Variants in TADA1 observed in about 807,000 individuals in gnomAD.
TADA1 encodes the protein transcriptional adaptor 1, also known as transcriptional adapter 1.
A neutral mutation model predicts 39.3 loss-of-function variants in TADA1; 23 were observed. The ratio of observed to expected loss-of-function variants is 0.58; its 90% CI spans 0.42 to 0.83. The LOEUF (loss-of-function observed/expected upper bound fraction) is 0.83, where lower values mean the gene tolerates loss of function less well. Ranked by LOEUF, TADA1 falls within the 40% of genes least tolerant of loss-of-function variation. TADA1 has a pLI of 0.00. For missense variants in TADA1, 352 were observed against 408.1 expected (o/e 0.86, Z 1.18); for synonymous variants, 137 against 151.8 (o/e 0.90, Z 0.72).
intron 1 of TADA1, among the ~76,000 whole-genome samples, chr1:166,873,777 C>T (rs79088457): frequency 1.6e-3 from 246 of 152,324 alleles, no homozygotes; most frequent in Non-Finnish European, 2.9e-3. Flanking sequence ...CCAAATTTAG[C>T]TTCAGCATCA....
intron 1 of TADA1, among the ~76,000 whole-genome samples, chr1:166,874,824 T>G (rs1191463767): frequency 6.6e-6 from 1 of 152,224 alleles, no homozygotes; most frequent in African/African-American, 2.4e-5. Flanking sequence ...AAATAAATGT[T>G]CACCAAAAAT....
At chr1:166,867,201 TCTCTTGA>T (rs368822560) in intron 3 of TADA1, among the ~76,000 whole-genome samples, 657 of 152,330 alleles carry the variant, frequency 4.3e-3, no homozygotes, top group African/African-American at 0.015. Flanking sequence ...TGAACCTAAG[TCTCTTGA>T]CTCTTATCAA....
At chr1:166,869,925 T>A in intron 1 of TADA1, 71 bp from the exon 2 acceptor site, 2 of 1,354,462 alleles carry the variant, frequency 1.5e-6, no homozygotes, top group Non-Finnish European at 2.1e-6. Context: ...TGTTTTGTTT[T>A]TTTAAAGAGA....
At chr1:166,865,624 T>C (rs1330142600) in intron 3 of TADA1, among the ~76,000 whole-genome samples, 5 of 151,708 alleles carry the variant, frequency 3.3e-5, no homozygotes, top group Non-Finnish European at 7.4e-5. Context: ...CCATCCTGGC[T>C]AACATGGTGA....
At position 166,862,712 on chromosome 1, in the gene TADA1, AAGG is replaced by A. The variant is rs1358992321; in HGVS notation, c.331-303_331-301del. On this transcript the variant is annotated intron_variant, in intron 4 of 7. Coordinates refer to ENST00000367874, the MANE Select transcript of TADA1 (RefSeq NM_053053.4). ...ACTGTGTTAAAAATAACTGAAAGAG[AAGG>A]AGAAGTATTGAACTATATTCAAACA... is the stretch of plus-strand genomic sequence containing the variant. 9.9e-6 allele frequency: 4 copies of A among 404,550 alleles called. No individual in the cohort carries two copies. In the East Asian group the frequency reaches 2.0e-4, roughly 21 times the overall value. The allele number at this position is 404,550 out of a possible 1,614,324, so 25.1% of individuals were successfully genotyped here. A position where few individuals can be genotyped will look rare whatever the true frequency, so the allele number is the denominator to read the frequency against.
In TADA1 at chr1:166,873,391, C is replaced by G. The variant is rs59638310; in HGVS notation, c.74+2769G>C. ...TACAAAGTGAGTTGCCTAGCAAAGC[C>G]CATGTCTTCCTGGAAGCAGCTTGGG... On this transcript the variant is annotated intron_variant, in intron 1 of 7. Coordinates refer to ENST00000367874, the MANE Select transcript of TADA1 (RefSeq NM_053053.4). 6.7e-3 allele frequency among the ~76,000 whole-genome samples: 1,021 copies of G among 152,198 alleles called. 10 individuals carry two copies. The highest frequency in any genetic ancestry group is 0.024 in the African/African-American group (980 of 41,512).
chr1:166,869,276 TAA>T (rs200445746), intron 3 of TADA1, 167 bp downstream of exon 3: 1,378 of 403,758 alleles, frequency 3.4e-3, no homozygotes, highest in South Asian at 5.0e-3. Context: ...GTTTCTGCTT[TAA>T]AAAAAAAAAA....
chr1:166,863,635 A>G (rs1026958595), intron 4 of TADA1, among the ~76,000 whole-genome samples, 189 bp downstream of exon 4: 2 of 152,266 alleles, frequency 1.3e-5, no homozygotes, highest in African/African-American at 4.8e-5. Context: ...TTTAAGCAGT[A>G]ACAAACAAGA....
In TADA1 at chr1:166,857,607, C is replaced by A. The variant is rs772749203; in HGVS notation, c.968G>T (p.Arg323Leu). Residue 323 changes from arginine (R) to leucine (L), a missense_variant, in exon 8 of 8, where the codon CGC becomes CTC. By Grantham distance (102) the Arg-to-Leu change is moderately radical. Coordinates refer to ENST00000367874, the MANE Select transcript of TADA1 (RefSeq NM_053053.4). ...HEELQQDKVHRQRLAAKEGLL... is the reference protein window; with the variant it reads ...HEELQQDKVHLQRLAAKEGLL... ...CCCCTCCTTGGCTGCCAAGCGCTGG[C>A]GGTGAACTTTGTCTTGCTGCAGCTC... The A allele has an allele frequency of 6.2e-7, 1 of 1,614,166 alleles. No individual in the cohort carries two copies. The highest frequency in any genetic ancestry group is 1.1e-5 in the South Asian group (1 of 91,078).
chr1:166,869,890 T>C (rs370676618), intron 1 of TADA1, 36 bp from the exon 2 acceptor site: 1 of 1,560,218 alleles, frequency 6.4e-7, no homozygotes, highest in African/African-American at 1.4e-5. Context: ...AACCACAGAT[T>C]TGGCTGCTTC....
chr1:166,868,440 C>T (rs962388234), intron 3 of TADA1, among the ~76,000 whole-genome samples: 34 of 152,324 alleles, frequency 2.2e-4, no homozygotes, highest in African/African-American at 6.5e-4. Flanking sequence ...CTCCCCACTA[C>T]GGACACCTTT....
intron 3 of TADA1, among the ~76,000 whole-genome samples, chr1:166,865,388 T>C (rs1000725813): frequency 6.6e-6 from 1 of 151,762 alleles, no homozygotes; most frequent in Non-Finnish European, 1.5e-5. Context: ...CCTTTGGGAA[T>C]AGGTCTAGGG....
intron 4 of TADA1, chr1:166,863,084 T>C (rs1364934197): frequency 6.6e-6 from 1 of 152,520 alleles, no homozygotes; most frequent in African/African-American, 2.4e-5. Context: ...AAAGATTTTG[T>C]AGTGAAGATG....
In TADA1 at chr1:166,860,320, T is replaced by C; in HGVS notation, c.558A>G (p.Ile186Met). 1 of 1,609,918 alleles carries C rather than the reference T, an allele frequency of 6.2e-7. No homozygotes were observed. Among genetic ancestry groups the C allele is most frequent in the Non-Finnish European group, 8.5e-7 (1 of 1,178,668 alleles). The change falls in exon 6 of 8, where the codon ATA becomes ATG. Residue 186 changes from isoleucine (I) to methionine (M), a missense_variant. Around this residue, in one of 3 missense-constraint regions of TADA1, gnomAD observed 285 missense variants for 310.9 expected, o/e 0.92. Coordinates refer to ENST00000367874, the MANE Select transcript of TADA1 (RefSeq NM_053053.4). Reference sequence around the variant, plus strand: ...TCCTTCTTGACACAACTGACGTCAGTATATCTTTAAGGTGATTCTGTAAAC... The same window carrying C: ...TCCTTCTTGACACAACTGACGTCAGCATATCTTTAAGGTGATTCTGTAAAC... ...VYAVENHLKD[I>M]LTSVVSRRKA...
At position 166,873,896 on chromosome 1, in the gene TADA1, G is replaced by A. The variant is rs114090618; in HGVS notation, c.74+2264C>T. 6.6e-3 allele frequency among the ~76,000 whole-genome samples: 1,003 copies of A among 152,138 alleles called. 13 individuals are homozygous for A. The highest frequency in any genetic ancestry group is 0.023 in the African/African-American group (937 of 41,488). ...CTGAACCTGTAACTGATGAGTATGG[G>A]ATGACAGAGGTCACCATTGCATCTA... On this transcript the variant is annotated intron_variant, in intron 1 of 7. Transcript: ENST00000367874.
At chr1:166,873,306 T>C (rs953589708) in intron 1 of TADA1, among the ~76,000 whole-genome samples, 1 of 152,126 alleles carries the variant, frequency 6.6e-6, no homozygotes, top group Non-Finnish European at 1.5e-5. Context: ...AAATAACATA[T>C]GATCAAATCC....
chr1:166,875,970 G>A (rs1056610260), intron 1 of TADA1, among the ~76,000 whole-genome samples, 190 bp downstream of exon 1: 6 of 152,166 alleles, frequency 3.9e-5, no homozygotes, highest in Non-Finnish European at 8.8e-5. Context: ...CAGGAGGCCC[G>A]GTCTCTCCAG....
chr1:166,869,936 C>T (rs1331529334), intron 1 of TADA1, 82 bp from the exon 2 acceptor site: 19 of 1,246,658 alleles, frequency 1.5e-5, no homozygotes, highest in East Asian at 1.2e-4. Flanking sequence ...TTTAAAGAGA[C>T]GGGGTTTTTT....
At chr1:166,863,692 T>G in intron 4 of TADA1, 132 bp downstream of exon 4, 1 of 820,630 alleles carries the variant, frequency 1.2e-6, no homozygotes, top group Non-Finnish European at 2.0e-6. Context: ...TGAAACGCTT[T>G]TCTTCCCAAA....
Sources: allele counts gnomAD v4.1 joint callset (sites outside exome capture counted in the v4.1 genomes callset), GRCh38; gene constraint gnomAD v4.1.1; regional missense constraint gnomAD v4.1.1; transcripts MANE v1.5; gene names NCBI Gene and HGNC (gene_info 2026-07-23, HGNC 2026-07-21).